RBM33: variants seen among roughly 807,000 people sequenced by gnomAD.
The protein encoded by RBM33 is RNA binding motif protein 33.
In RBM33, 28 loss-of-function variants were observed where a neutral mutation model predicts 132.6. That is an observed-to-expected ratio of 0.21 (90% CI 0.16 to 0.29). The LOEUF is 0.29. Among genes scored for constraint, RBM33 ranks in the 10% least tolerant of loss-of-function variants. The pLI, the probability that RBM33 is intolerant of heterozygous loss-of-function variation, is 1.00. For missense variants in RBM33, 1,291 were observed against 1,518.5 expected, an observed-to-expected ratio of 0.85 and a Z score of 2.49; for synonymous variants, 634 against 593.0, an observed-to-expected ratio of 1.07 and a Z score of -1.01.
chr7:155,737,238 A>G (rs1278487123), intron 9 of RBM33, among the ~76,000 whole-genome samples: 1 of 138,148 alleles, frequency 7.2e-6, no homozygotes, highest in Non-Finnish European at 1.5e-5. Flanking sequence ...GCTACCATCT[A>G]GGTGCGCGTG....
intron 12 of RBM33, among the ~76,000 whole-genome samples, chr7:155,741,575 C>T (rs540066281): frequency 1.2e-4 from 18 of 152,170 alleles, no homozygotes; most frequent in Non-Finnish European, 2.2e-4. Context: ...AGGAGCCTCT[C>T]TGTAGGCAAG....
In RBM33 at chr7:155,741,547, G is replaced by A. The variant is rs559505590; in HGVS notation, c.2050-272G>A. On this transcript the variant is annotated intron_variant, in intron 12 of 17. Transcript: ENST00000401878. Reference sequence around the variant, plus strand: ...TGAAGCACCTGCTAAAGATCAGCCTGGTGTAATTTCTATGAAGAGGAGCCT... The same window carrying A: ...TGAAGCACCTGCTAAAGATCAGCCTAGTGTAATTTCTATGAAGAGGAGCCT... Among the ~76,000 whole-genome samples the A allele has an allele frequency of 3.3e-5, 5 of 152,256 alleles. No homozygotes were observed. In the South Asian group the frequency reaches 6.2e-4, roughly 19 times the overall value.
Position 155,680,913 on chromosome 7 carries a change from G to GTCTTTT in RBM33, c.567+6_567+11dup. The GTCTTTT allele has an allele frequency of 6.2e-7, 1 of 1,609,344 alleles. No individual in the cohort carries two copies. The highest frequency in any genetic ancestry group is 8.5e-7 in the Non-Finnish European group (1 of 1,176,862). ...GAACCTTTAGATGAATTTACAGTGA[G>GTCTTTT]TCTTTTCTCCTTTGTATGGCCAAAG... On this transcript the variant is annotated splice_donor_region_variant and intron_variant, in intron 5 of 17. Transcript: ENST00000401878.
intron 5 of RBM33, among the ~76,000 whole-genome samples, chr7:155,700,546 CTTTTTTTTTTTTTTT>C (rs529323301): frequency 9.3e-5 from 8 of 85,580 alleles, no homozygotes; most frequent in South Asian, 5.8e-4. Flanking sequence ...AGAATTTGAC[CTTTTTTTTTTTTTTT>C]TTTTTTTTTT....
intron 9 of RBM33, among the ~76,000 whole-genome samples, chr7:155,723,112 A>G (rs1191279238): frequency 6.6e-6 from 1 of 152,238 alleles, no homozygotes; most frequent in African/African-American, 2.4e-5. Context: ...ATTTGGGCAC[A>G]TGGTATCAGG....
chr7:155,755,190 G>A (rs1171981154), intron 14 of RBM33, among the ~76,000 whole-genome samples: 1 of 152,202 alleles, frequency 6.6e-6, no homozygotes, highest in Non-Finnish European at 1.5e-5. Flanking sequence ...GTTCAGTGAG[G>A]TCTCTGGACT....
At chr7:155,753,768 G>A (rs746702177) in intron 14 of RBM33, among the ~76,000 whole-genome samples, 31 of 152,234 alleles carry the variant, frequency 2.0e-4, no homozygotes, top group Non-Finnish European at 3.4e-4. Context: ...GGGGAGGAGC[G>A]TGGAGGCGCG....
intron 1 of RBM33, among the ~76,000 whole-genome samples, chr7:155,645,467 ATTAAC>A (rs1251857988): frequency 1.3e-5 from 2 of 152,234 alleles, no homozygotes; most frequent in Admixed American, 6.5e-5. Flanking sequence ...CCTGTTTTAA[ATTAAC>A]TTATTTGTTG....
intron 8 of RBM33, 23 bp downstream of exon 8, chr7:155,711,478 G>T (rs1800297644): frequency 1.5e-6 from 2 of 1,365,084 alleles, no homozygotes; most frequent in Non-Finnish European, 1.9e-6. Context: ...TTTTACTATT[G>T]TAAAGCATAG....
chr7:155,701,855 T>C (rs1799975724), intron 6 of RBM33, among the ~76,000 whole-genome samples: 1 of 151,996 alleles, frequency 6.6e-6, no homozygotes, highest in Non-Finnish European at 1.5e-5. Flanking sequence ...ACCCGGCTAG[T>C]TTTTGTGTTT....
chr7:155,717,807 T>C (rs1184325130), intron 8 of RBM33, among the ~76,000 whole-genome samples: 10 of 152,228 alleles, frequency 6.6e-5, no homozygotes, highest in Non-Finnish European at 1.3e-4. Context: ...TTCTGGTGGA[T>C]TGATGGAAAT....
At chr7:155,689,984 G>A (rs537687869) in intron 5 of RBM33, among the ~76,000 whole-genome samples, 1 of 152,282 alleles carries the variant, frequency 6.6e-6, no homozygotes, top group South Asian at 2.1e-4. Context: ...TGTCTATTAG[G>A]TCCGCTTGGT....
rs544727377 is a variant in RBM33 at position 155,660,426 on chromosome 7, A to G, written c.44-4749A>G. Among the ~76,000 whole-genome samples, 8 of 152,320 alleles carry G rather than the reference A, an allele frequency of 5.3e-5. No homozygotes were observed. The South Asian group carries it at 8.3e-4, about 16-fold the overall frequency. On this transcript the variant is annotated intron_variant, in intron 1 of 17. Coordinates refer to ENST00000401878, the MANE Select transcript of RBM33 (RefSeq NM_053043.3). ...GCAGAAGGAGGGGTAAGACTTCAGC[A>G]TATATTTTTTGGGGATACAATTCAA...
At chr7:155,672,700 G>T (rs1798975059) in intron 2 of RBM33, among the ~76,000 whole-genome samples, 167 bp from the exon 3 acceptor site, 1 of 143,712 alleles carries the variant, frequency 7.0e-6, no homozygotes, top group Admixed American at 7.1e-5. Context: ...AGCTGAGATT[G>T]CACCATTGTA....
At chr7:155,667,980 A>G (rs1585413359) in intron 2 of RBM33, among the ~76,000 whole-genome samples, 1 of 152,144 alleles carries the variant, frequency 6.6e-6, no homozygotes, top group Non-Finnish European at 1.5e-5. Flanking sequence ...TCAAATCACA[A>G]AATTTTTGAA....
Position 155,673,702 on chromosome 7 carries a change from A to ACACG in RBM33, c.171+787_171+788insCACG, listed in dbSNP as rs1799050889. On this transcript the variant is annotated intron_variant, in intron 3 of 17. Coordinates refer to ENST00000401878, the MANE Select transcript of RBM33 (RefSeq NM_053043.3). ...TGTATATATATACACACATATATAC[A>ACACG]TACACACGTGTATATATATACACAC... 2.9e-5 allele frequency among the ~76,000 whole-genome samples: 4 copies of ACACG among 136,208 alleles called. 2 individuals carry two copies. The highest frequency in any genetic ancestry group is 1.3e-4 in the African/African-American group (4 of 30,232). 89.4% of individuals were successfully genotyped at this position (136,208 alleles called of 152,430 possible). A position where few individuals can be genotyped will look rare whatever the true frequency, so the allele number is the denominator to read the frequency against.
chr7:155,718,741 C>G (rs1311098695), intron 9 of RBM33, among the ~76,000 whole-genome samples: 1 of 151,962 alleles, frequency 6.6e-6, no homozygotes, highest in Non-Finnish European at 1.5e-5. Context: ...GAGAAAGGGC[C>G]TTGCTTTATT....
chr7:155,765,970 T>A (rs1802202361), intron 15 of RBM33, among the ~76,000 whole-genome samples: 1 of 152,178 alleles, frequency 6.6e-6, no homozygotes, highest in South Asian at 2.1e-4. Flanking sequence ...GTAGCAAATG[T>A]AGTCTCTGCC....
At position 155,780,262 on chromosome 7, in the gene RBM33, C is replaced by T. The variant is rs576784466; in HGVS notation, c.*5221C>T. On this transcript the variant is annotated 3_prime_UTR_variant, in exon 18 of 18. Transcript: ENST00000401878. Reference sequence around the variant, plus strand: ...CGCGCGCACAGCACACAGGGGTGCCCTGAGCCGAAGGAGCAAAAAAAGCCA... The same window carrying T: ...CGCGCGCACAGCACACAGGGGTGCCTTGAGCCGAAGGAGCAAAAAAAGCCA... 1 of 152,300 alleles carries T rather than the reference C, an allele frequency of 6.6e-6. No individual in the cohort carries two copies. Among genetic ancestry groups the T allele is most frequent in the South Asian group, 2.1e-4 (1 of 4,818 alleles). The allele number at this position is 152,300 out of a possible 1,614,324, so 9.4% of individuals were successfully genotyped here. A position where few individuals can be genotyped will look rare whatever the true frequency, so the allele number is the denominator to read the frequency against.
Sources: allele counts gnomAD v4.1 joint callset (sites outside exome capture counted in the v4.1 genomes callset), GRCh38; gene constraint gnomAD v4.1.1; transcripts MANE v1.5; gene names NCBI Gene and HGNC (gene_info 2026-07-23, HGNC 2026-07-21).